CCDC81: variants seen among roughly 807,000 people sequenced by gnomAD.
The protein encoded by CCDC81 is coiled-coil domain containing 81, also known as coiled-coil domain-containing protein 81.
CCDC81 carries 79 observed loss-of-function variants against 83.7 expected under a neutral mutation model. The observed-to-expected ratio is 0.94, with a 90% CI of 0.79 to 1.14. The LOEUF (loss-of-function observed/expected upper bound fraction) is 1.14. Among genes scored for constraint, CCDC81 ranks in the 50% most tolerant of loss-of-function variants. CCDC81 has a pLI of 0.00. For missense variants in CCDC81, 791 were observed against 778.1 expected (o/e 1.02, Z -0.20); for synonymous variants, 252 against 278.1 (o/e 0.91, Z 0.93).
intron 3 of CCDC81, 73 bp downstream of exon 3, chr11:86,387,745 G>A (rs780605545): frequency 1.8e-5 from 19 of 1,062,948 alleles, no homozygotes; most frequent in African/African-American, 9.6e-5. Flanking sequence ...AGGGCAAAGC[G>A]TAGCCAGTGC....
intron 13 of CCDC81, among the ~76,000 whole-genome samples, chr11:86,418,854 TTTG>T (rs1948753730): frequency 6.6e-6 from 1 of 152,132 alleles, no homozygotes; most frequent in African/African-American, 2.4e-5. Context: ...GATAGTAAAT[TTTG>T]TTATGTGTTT....
chr11:86,418,756 A>C (rs929438779), intron 13 of CCDC81, among the ~76,000 whole-genome samples: 2 of 152,200 alleles, frequency 1.3e-5, no homozygotes, highest in Non-Finnish European at 1.5e-5. Flanking sequence ...GTGTAGTTTT[A>C]GTTTTGTAAC....
Position 86,375,226 on chromosome 11 carries a change from C to T in CCDC81, c.63C>T (p.Pro21=). The T allele has an allele frequency of 6.2e-7, 1 of 1,611,368 alleles. No individual in the cohort carries two copies. Among genetic ancestry groups the T allele is most frequent in the Non-Finnish European group, 8.5e-7 (1 of 1,179,778 alleles). Residue 21 remains proline (P), a synonymous_variant, in exon 1 of 15, where the codon CCC becomes CCT. Coordinates refer to ENST00000445632, the MANE Select transcript of CCDC81 (RefSeq NM_001156474.2). ...GCAGGCAGGTGCTGCCCACTCTGCC[C>T]TCGCTGAGCCAGGAGGGTAAGCGTG... ...DLGRQVLPTL[P]SLSQEEVSII... is the part of the protein sequence containing the mutation.
At chr11:86,386,630 GA>G (rs991657402) in intron 2 of CCDC81, among the ~76,000 whole-genome samples, 6 of 152,208 alleles carry the variant, frequency 3.9e-5, no homozygotes, top group African/African-American at 1.4e-4. Context: ...GGGAAGCTGG[GA>G]AGTTGTGGAA....
chr11:86,400,328 G>A (rs532713502), intron 6 of CCDC81, among the ~76,000 whole-genome samples: 17 of 152,030 alleles, frequency 1.1e-4, no homozygotes, highest in Non-Finnish European at 2.4e-4. Flanking sequence ...TCTATCGAAA[G>A]ATCTTTACAG....
chr11:86,389,947 T>C (rs550172064), intron 3 of CCDC81, among the ~76,000 whole-genome samples: 41 of 151,924 alleles, frequency 2.7e-4, no homozygotes, highest in African/African-American at 8.9e-4. Context: ...CTACTAAAAA[T>C]ACAAAAAACT....
intron 13 of CCDC81, among the ~76,000 whole-genome samples, chr11:86,415,773 G>A (rs1394781693): frequency 2.2e-4 from 33 of 152,080 alleles, no homozygotes; most frequent in Admixed American, 2.1e-3. Flanking sequence ...TCCTGGACTC[G>A]AGCAGTTCTC....
chr11:86,388,806 A>C (rs1167479471), intron 3 of CCDC81, among the ~76,000 whole-genome samples: 1 of 146,312 alleles, frequency 6.8e-6, no homozygotes, highest in Admixed American at 6.8e-5. Context: ...AACCTATTAA[A>C]GAAAATGAAA....
At chr11:86,400,567 T>A (rs1007200221) in intron 6 of CCDC81, 111 bp from the exon 7 acceptor site, 29 of 1,097,156 alleles carry the variant, frequency 2.6e-5, no homozygotes, top group Non-Finnish European at 3.5e-5. Context: ...GGGTGATTAT[T>A]TAAAGATAAG....
chr11:86,416,343 A>G (rs1039707645), intron 13 of CCDC81, among the ~76,000 whole-genome samples: 10 of 152,324 alleles, frequency 6.6e-5, no homozygotes, highest in Middle Eastern at 3.4e-3. Flanking sequence ...CAGCAGAACC[A>G]CCATCACTTG....
chr11:86,388,192 T>TCCTCCTTC (rs778997381), intron 3 of CCDC81, among the ~76,000 whole-genome samples: 18,076 of 126,782 alleles, frequency 0.14, 1,409 homozygotes, highest in East Asian at 0.25. Flanking sequence ...CTCCCTCCTT[T>TCCTCCTTC]CCTCCTTCCC....
chr11:86,422,576 C>A lies in CCDC81; in HGVS notation c.1820C>A (p.Ala607Asp). 1 of 1,613,474 alleles carries A rather than the reference C, an allele frequency of 6.2e-7. No homozygotes were observed. The highest frequency in any genetic ancestry group is 2.2e-5 in the East Asian group (1 of 44,878). ...GGCATTTGCTCTCCTCTCCTCAGGG[C>A]TTCAGACAAGCTGTTTCTCCTAGAC... ...RDLEDKAFER[A>D]SDKLFLLDQC... The change falls in exon 15 of 15, where the codon GCT becomes GAT. Residue 607 changes from alanine (A) to aspartate (D), a missense_variant and splice_region_variant. By Grantham distance (126) the Ala-to-Asp change is moderately radical. Transcript: ENST00000445632.
intron 7 of CCDC81, among the ~76,000 whole-genome samples, chr11:86,405,751 C>G (rs190001491): frequency 2.0e-5 from 3 of 150,590 alleles, no homozygotes; most frequent in Non-Finnish European, 4.4e-5. Flanking sequence ...CATGTTTTAC[C>G]AATTTCTTTG....
At chr11:86,386,153 T>A (rs1948239022) in intron 2 of CCDC81, 41 bp downstream of exon 2, 19 of 767,654 alleles carry the variant, frequency 2.5e-5, no homozygotes, top group Non-Finnish European at 3.1e-5. Context: ...TAAATTAATT[T>A]ATTAATTTTA....
At chr11:86,400,579 G>C (rs780361148) in intron 6 of CCDC81, 99 bp from the exon 7 acceptor site, 69 of 1,153,212 alleles carry the variant, frequency 6.0e-5, no homozygotes, top group Middle Eastern at 2.4e-4. Flanking sequence ...AAAGATAAGA[G>C]AGTGTATCTT....
intron 13 of CCDC81, among the ~76,000 whole-genome samples, chr11:86,415,814 T>C (rs1385105644): frequency 3.9e-5 from 6 of 152,120 alleles, no homozygotes; most frequent in African/African-American, 9.7e-5. Context: ...GCTGGGACTA[T>C]AGGCGAGTGC....
chr11:86,393,928 T>C (rs1948368777), intron 4 of CCDC81, among the ~76,000 whole-genome samples: 1 of 152,176 alleles, frequency 6.6e-6, no homozygotes, highest in Admixed American at 6.5e-5. Flanking sequence ...GCTATTAATA[T>C]CATCTCAGTC....
At chr11:86,410,582 G>T (rs2138533622) in intron 10 of CCDC81, among the ~76,000 whole-genome samples, 1 of 152,290 alleles carries the variant, frequency 6.6e-6, no homozygotes, top group Middle Eastern at 3.4e-3. Context: ...GAGCGAGCGA[G>T]CATGGGGCTT....
chr11:86,404,776 T>C (rs1217537563), intron 7 of CCDC81, among the ~76,000 whole-genome samples: 1 of 152,224 alleles, frequency 6.6e-6, no homozygotes, highest in Non-Finnish European at 1.5e-5. Flanking sequence ...CATTTGCATT[T>C]TGGAATTGCA....
Sources: gnomAD v4.1 joint callset for allele counts (sites outside exome capture counted in the v4.1 genomes callset) on GRCh38, gnomAD v4.1.1 for gene constraint, MANE v1.5 for transcripts, NCBI Gene and HGNC (gene_info 2026-07-23, HGNC 2026-07-21) for gene names.